ECT2L: variants seen among roughly 807,000 people sequenced by gnomAD.
ECT2L encodes the protein epithelial cell-transforming sequence 2 oncogene-like.
ECT2L carries 126 observed loss-of-function variants against 122.8 expected under a neutral mutation model. The ratio of observed to expected loss-of-function variants is 1.03; its 90% CI spans 0.89 to 1.19. The LOEUF is 1.19. Among genes scored for constraint, ECT2L ranks in the 50% most tolerant of loss-of-function variants. The probability of loss-of-function intolerance (pLI) is 0.00; values close to 1 mark genes in which losing one functional copy is unlikely to be tolerated. For missense variants in ECT2L, 1,012 were observed against 1,064.1 expected, an observed-to-expected ratio of 0.95 and a Z score of 0.68; for synonymous variants, 385 against 381.8, an observed-to-expected ratio of 1.01 and a Z score of -0.10.
At chr6:138,857,001 T>C (rs141569248) in intron 10 of ECT2L, among the ~76,000 whole-genome samples, 8 of 152,252 alleles carry the variant, frequency 5.3e-5, no homozygotes, top group African/African-American at 1.9e-4. Context: ...TACCGTCGAA[T>C]CCACCACCAG....
rs568712336 is a variant in ECT2L, at chr6:138,885,498, C to T, written c.2029-8C>T. 1.6e-5 allele frequency: 26 copies of T among 1,613,758 alleles called. No homozygotes were observed. Among genetic ancestry groups the T allele is most frequent in the South Asian group, 7.7e-5 (7 of 91,076 alleles). On this transcript the variant is annotated splice_region_variant and splice_polypyrimidine_tract_variant and intron_variant, in intron 16 of 21. Coordinates refer to ENST00000541398, the MANE Select transcript of ECT2L (RefSeq NM_001077706.3). ...TAAAGTTTTGACAATATAATCCTCACCTTTTAGTGCAGAGAAATGATACCA... is the reference window on the plus strand; with the variant it reads ...TAAAGTTTTGACAATATAATCCTCATCTTTTAGTGCAGAGAAATGATACCA...
At chr6:138,881,271 G>A (rs1778637761) in intron 15 of ECT2L, 100 bp downstream of exon 15, 1 of 1,185,538 alleles carries the variant, frequency 8.4e-7, no homozygotes, top group Admixed American at 2.1e-5. Context: ...ATGATGCTCT[G>A]ACCCTCTTAG....
At chr6:138,877,770 C>CA (rs756661893) in intron 14 of ECT2L, among the ~76,000 whole-genome samples, 4 of 151,942 alleles carry the variant, frequency 2.6e-5, no homozygotes, top group South Asian at 4.2e-4. Flanking sequence ...CCTGTCTCTA[C>CA]AAAAAAATTA....
At chr6:138,801,932 G>A (rs1435693129) in intron 1 of ECT2L, among the ~76,000 whole-genome samples, 1 of 152,088 alleles carries the variant, frequency 6.6e-6, no homozygotes, top group Non-Finnish European at 1.5e-5. Context: ...TCTGGTGGTG[G>A]GCCAGATGTG....
chr6:138,862,827 TC>T, intron 11 of ECT2L, 108 bp downstream of exon 11: 2 of 809,906 alleles, frequency 2.5e-6, no homozygotes, highest in Non-Finnish European at 2.0e-6. Context: ...TATCCATTAC[TC>T]TCTTTCATTC....
chr6:138,834,950 C>CAT (rs1776778558), intron 4 of ECT2L, among the ~76,000 whole-genome samples: 1 of 150,240 alleles, frequency 6.7e-6, no homozygotes, highest in Admixed American at 6.6e-5. Flanking sequence ...CATTCTCTCT[C>CAT]TCTGTCTCTT....
intron 20 of ECT2L, among the ~76,000 whole-genome samples, chr6:138,890,727 C>T (rs1778995487): frequency 1.3e-5 from 2 of 151,968 alleles, no homozygotes. Context: ...CTTCTCTCTG[C>T]AGAACTTCTT....
chr6:138,883,262 ACAAT>A (rs1473173181), intron 16 of ECT2L, among the ~76,000 whole-genome samples: 2 of 152,266 alleles, frequency 1.3e-5, no homozygotes, highest in Non-Finnish European at 2.9e-5. Context: ...TCTTGGAAGA[ACAAT>A]CAATTTATGA....
intron 12 of ECT2L, among the ~76,000 whole-genome samples, chr6:138,867,655 C>CAAAAAAAAA (rs71009601): frequency 1.0e-4 from 12 of 114,408 alleles, no homozygotes; most frequent in Middle Eastern, 4.7e-3. Flanking sequence ...CCTAAAACTA[C>CAAAAAAAAA]AAAAAAAAAA....
intron 10 of ECT2L, among the ~76,000 whole-genome samples, chr6:138,855,042 C>T (rs2128395710): frequency 6.6e-6 from 1 of 152,028 alleles, no homozygotes; most frequent in East Asian, 1.9e-4. Flanking sequence ...TTCTACTCCT[C>T]AAATTTCACA....
At chr6:138,885,874 T>C in intron 18 of ECT2L, 44 bp downstream of exon 18, 1 of 1,581,240 alleles carries the variant, frequency 6.3e-7, no homozygotes, top group Admixed American at 1.8e-5. Flanking sequence ...CATGTTACAA[T>C]GCCTTTGTGG....
At chr6:138,820,527 G>A (rs1029165584) in intron 4 of ECT2L, among the ~76,000 whole-genome samples, 1 of 152,000 alleles carries the variant, frequency 6.6e-6, no homozygotes, top group East Asian at 1.9e-4. Flanking sequence ...TGAAGCTGCC[G>A]TTAATTGTTT....
intron 7 of ECT2L, among the ~76,000 whole-genome samples, chr6:138,845,267 G>T (rs1404471560): frequency 6.8e-6 from 1 of 146,300 alleles, no homozygotes; most frequent in Non-Finnish European, 1.5e-5. Flanking sequence ...TTTTGAGACG[G>T]AGTCTCACTC....
At chr6:138,895,429 G>T (rs1246267211) in intron 20 of ECT2L, among the ~76,000 whole-genome samples, 1 of 152,162 alleles carries the variant, frequency 6.6e-6, no homozygotes, top group Non-Finnish European at 1.5e-5. Context: ...CATAGAATAA[G>T]TGCTGGTCTG....
intron 19 of ECT2L, among the ~76,000 whole-genome samples, chr6:138,887,230 T>C (rs984796483): frequency 3.0e-5 from 4 of 132,566 alleles, no homozygotes; most frequent in Non-Finnish European, 6.2e-5. Flanking sequence ...TTTTCTTTAA[T>C]TTTTTTTTTT....
chr6:138,876,707 C>T, intron 14 of ECT2L, 149 bp downstream of exon 14: 1 of 585,642 alleles, frequency 1.7e-6, no homozygotes, highest in East Asian at 3.0e-5. Context: ...AGAGAGAATT[C>T]AGCTGGCAGA....
intron 4 of ECT2L, among the ~76,000 whole-genome samples, chr6:138,817,145 C>A (rs1230586674): frequency 6.6e-6 from 1 of 152,166 alleles, no homozygotes; most frequent in Non-Finnish European, 1.5e-5. Flanking sequence ...TCCTTTATTG[C>A]CAAATATTAT....
At position 138,888,982 on chromosome 6, in the gene ECT2L, G is replaced by C. The variant is rs763747189; in HGVS notation, c.2365G>C (p.Asp789His). 2 of 1,549,404 alleles carry C rather than the reference G, an allele frequency of 1.3e-6. No individual in the cohort carries two copies. Among genetic ancestry groups the C allele is most frequent in the South Asian group, 2.5e-5 (2 of 79,984 alleles). Reference sequence around the variant, plus strand: ...AAACAGATATCTGATTAGGGTACAAGATGTAGCCCAACTTCATTGCTGTGA... The same window carrying C: ...AAACAGATATCTGATTAGGGTACAACATGTAGCCCAACTTCATTGCTGTGA... ...EVNRYLIRVQ[D>H]VAQLHCCDEE... The change falls in exon 20 of 22, where the codon GAT becomes CAT. Residue 789 changes from aspartate (D) to histidine (H), a missense_variant. By Grantham distance (81) the Asp-to-His change is moderately conservative. Coordinates refer to ENST00000541398, the MANE Select transcript of ECT2L (RefSeq NM_001077706.3).
intron 20 of ECT2L, among the ~76,000 whole-genome samples, chr6:138,899,186 GAAA>G (rs1209672364): frequency 1.3e-5 from 2 of 151,716 alleles, no homozygotes; most frequent in African/African-American, 4.8e-5. Context: ...GAGAGGGAGG[GAAA>G]AAAAGGAGGG....
Sources: allele counts gnomAD v4.1 joint callset (sites outside exome capture counted in the v4.1 genomes callset), GRCh38; gene constraint gnomAD v4.1.1; transcripts MANE v1.5; gene names NCBI Gene and HGNC (gene_info 2026-07-23, HGNC 2026-07-21).